The following MECOM variants were observed in gnomAD, a reference collection of about 807,000 sequenced individuals.
The protein encoded by MECOM is MDS1 and EVI1 complex locus.
A neutral mutation model predicts 116.3 loss-of-function variants in MECOM; 13 were observed. That is an observed-to-expected ratio of 0.11 (90% CI 0.07 to 0.18). The LOEUF is 0.18. Among genes scored for constraint, MECOM ranks in the 10% least tolerant of loss-of-function variants. The probability of loss-of-function intolerance (pLI) is 1.00; values close to 1 mark genes in which losing one functional copy is unlikely to be tolerated. For synonymous variants in MECOM, 528 were observed against 535.2 expected (o/e 0.99, Z 0.19); for missense variants, 1,299 against 1,509.0 (o/e 0.86, Z 2.31).
In MECOM at chr3:169,476,432, T is replaced by A. The variant is rs979630634; in HGVS notation, c.38-94908A>T. 2.0e-5 allele frequency among the ~76,000 whole-genome samples: 3 copies of A among 152,166 alleles called. No individual in the cohort carries two copies. In the East Asian group the frequency reaches 5.8e-4, roughly 29 times the overall value. ...ATTACATTTTATTTGCAGAGTACAG[T>A]GTAAAGTCATCAATAACGCTTTGAT... On this transcript the variant is annotated intron_variant, in intron 1 of 16. Coordinates refer to ENST00000651503, the MANE Select transcript of MECOM (RefSeq NM_004991.4).
intron 1 of MECOM, among the ~76,000 whole-genome samples, chr3:169,480,087 A>G (rs775927337): frequency 6.6e-6 from 1 of 152,224 alleles, no homozygotes; most frequent in Non-Finnish European, 1.5e-5. Context: ...AGTCATCACT[A>G]TTGGTATAAA....
chr3:169,472,954 T>C (rs923142987), intron 1 of MECOM: 1 of 982,896 alleles, frequency 1.0e-6, no homozygotes, highest in African/African-American at 1.7e-5. Flanking sequence ...ACTTTGTCCC[T>C]ACCTGGTAGT....
chr3:169,622,474 C>T (rs182931904), intron 1 of MECOM, among the ~76,000 whole-genome samples: 14 of 152,256 alleles, frequency 9.2e-5, no homozygotes, highest in Admixed American at 7.2e-4. Context: ...TAGCTAAGAC[C>T]CCACTTACTT....
intron 2 of MECOM, among the ~76,000 whole-genome samples, chr3:169,264,789 G>C (rs932532652): frequency 6.6e-6 from 1 of 152,166 alleles, no homozygotes; most frequent in Non-Finnish European, 1.5e-5. Flanking sequence ...TCTACCTAAA[G>C]AGTAAGCATT....
At chr3:169,604,801 A>T (rs1483392519) in intron 1 of MECOM, among the ~76,000 whole-genome samples, 1 of 152,088 alleles carries the variant, frequency 6.6e-6, no homozygotes, top group Non-Finnish European at 1.5e-5. Context: ...AGAACAGAAA[A>T]ACCTCCCATC....
At chr3:169,322,527 T>C (rs780571646) in intron 2 of MECOM, among the ~76,000 whole-genome samples, 1 of 152,112 alleles carries the variant, frequency 6.6e-6, no homozygotes, top group Admixed American at 6.6e-5. Flanking sequence ...TGACCAAGAC[T>C]TATCAGGATG....
intron 12 of MECOM, among the ~76,000 whole-genome samples, chr3:169,097,644 G>A (rs1722043521): frequency 6.6e-6 from 1 of 151,804 alleles, no homozygotes; most frequent in South Asian, 2.1e-4. Flanking sequence ...CAGAGGGGCT[G>A]ATGCATCAAG....
chr3:169,223,487 A>G (rs1388404657), intron 2 of MECOM, among the ~76,000 whole-genome samples: 1 of 151,914 alleles, frequency 6.6e-6, no homozygotes. Context: ...ATGGCTGCAT[A>G]GTATTTCAAA....
At chr3:169,341,393 G>A (rs1364759070) in intron 2 of MECOM, among the ~76,000 whole-genome samples, 1 of 150,484 alleles carries the variant, frequency 6.6e-6, no homozygotes, top group African/African-American at 2.5e-5. Flanking sequence ...AAGGGTAGTG[G>A]GGAGGTTGGC....
intron 1 of MECOM, among the ~76,000 whole-genome samples, chr3:169,390,600 G>C (rs972435490): frequency 1.3e-5 from 2 of 152,172 alleles, no homozygotes; most frequent in Non-Finnish European, 2.9e-5. Context: ...GGTGGGCAGA[G>C]ACATGAGGGA....
In MECOM at chr3:169,357,947, CTAAT is replaced by C. The variant is rs1487010606; in HGVS notation, c.375+23236_375+23239del. ...CCACACACACTTTGAAGTTAATATA[CTAAT>C]TAATTAATAATGAACAAAAATAAGA... On this transcript the variant is annotated intron_variant, in intron 2 of 16. Coordinates refer to ENST00000651503, the MANE Select transcript of MECOM (RefSeq NM_004991.4). Among the ~76,000 whole-genome samples, 4 of 151,678 alleles carry C rather than the reference CTAAT, an allele frequency of 2.6e-5. No individual in the cohort carries two copies. In the South Asian group the frequency reaches 6.2e-4, roughly 24 times the overall value.
At chr3:169,292,555 T>C (rs1577612229) in intron 2 of MECOM, among the ~76,000 whole-genome samples, 1 of 152,102 alleles carries the variant, frequency 6.6e-6, no homozygotes, top group Admixed American at 6.5e-5. Context: ...ATGCAAGATA[T>C]CTGTTATCTC....
chr3:169,545,217 C>T (rs12488189), intron 1 of MECOM, among the ~76,000 whole-genome samples: 10,931 of 151,968 alleles, frequency 0.072, 840 homozygotes, highest in African/African-American at 0.19. Context: ...TTTCGGTACC[C>T]CATGACCAGT....
At chr3:169,619,033 C>G (rs1021623991) in intron 1 of MECOM, among the ~76,000 whole-genome samples, 2 of 151,730 alleles carry the variant, frequency 1.3e-5, no homozygotes. Flanking sequence ...AAAAAAAAGT[C>G]CACTCTTTTC....
At chr3:169,433,956 G>A (rs1333261081) in intron 1 of MECOM, among the ~76,000 whole-genome samples, 1 of 151,256 alleles carries the variant, frequency 6.6e-6, no homozygotes, top group Non-Finnish European at 1.5e-5. Flanking sequence ...ATTCATCTGG[G>A]AAAAAAAAGG....
chr3:169,495,847 A>AGGTTGG (rs1285995165), intron 1 of MECOM, among the ~76,000 whole-genome samples: 1 of 152,214 alleles, frequency 6.6e-6, no homozygotes, highest in Non-Finnish European at 1.5e-5. Context: ...AACTTTCAGC[A>AGGTTGG]GGTTGGGGTT....
intron 1 of MECOM, among the ~76,000 whole-genome samples, chr3:169,556,511 C>G (rs1261768822): frequency 6.6e-6 from 1 of 152,142 alleles, no homozygotes; most frequent in Non-Finnish European, 1.5e-5. Context: ...GTTGTGGTAG[C>G]CAGACTCTTA....
intron 2 of MECOM, among the ~76,000 whole-genome samples, chr3:169,374,230 T>C (rs1730636323): frequency 6.6e-6 from 1 of 151,792 alleles, no homozygotes; most frequent in Non-Finnish European, 1.5e-5. Context: ...AGAAGACAGC[T>C]GTCTGCAAGC....
chr3:169,222,404 C>A (rs1752237889), intron 2 of MECOM, among the ~76,000 whole-genome samples: 1 of 152,238 alleles, frequency 6.6e-6, no homozygotes, highest in Admixed American at 6.5e-5. Context: ...GTGAAGCCCA[C>A]ATATGGTGCC....
Sources: gnomAD v4.1 joint callset for allele counts (sites outside exome capture counted in the v4.1 genomes callset) on GRCh38, gnomAD v4.1.1 for gene constraint, MANE v1.5 for transcripts, NCBI Gene and HGNC (gene_info 2026-07-23, HGNC 2026-07-21) for gene names.